The following DDX20 variants were observed in gnomAD, a reference collection of about 807,000 sequenced individuals.
DDX20 encodes probable ATP-dependent RNA helicase DDX20.
DDX20 carries 61 observed loss-of-function variants against 76.4 expected under a neutral mutation model. The observed-to-expected ratio is 0.80, with a 90% CI of 0.65 to 0.99. DDX20 has a LOEUF of 0.99. DDX20 is among the 50% of genes least tolerant of loss of function. The pLI is 0.00. For synonymous variants in DDX20, 357 were observed against 357.4 expected (o/e 1.00, Z 0.01); for missense variants, 976 against 996.8 (o/e 0.98, Z 0.28).
At chr1:111,760,889 G>A (rs775253801) in intron 5 of DDX20, 41 bp downstream of exon 5, 4 of 1,596,310 alleles carry the variant, frequency 2.5e-6, no homozygotes, top group Non-Finnish European at 3.4e-6. Context: ...TGGTTTATTT[G>A]TGATATGCTG....
chr1:111,758,875 T>A (rs1007294971), intron 2 of DDX20, among the ~76,000 whole-genome samples: 1 of 152,246 alleles, frequency 6.6e-6, no homozygotes, highest in African/African-American at 2.4e-5. Flanking sequence ...CGGCAACTAG[T>A]ATGTTGCCTA....
intron 1 of DDX20, 123 bp from the exon 2 acceptor site, chr1:111,756,523 A>T (rs1220300911): frequency 1.3e-6 from 1 of 794,438 alleles, no homozygotes; most frequent in African/African-American, 1.7e-5. Flanking sequence ...TTGAGAATCA[A>T]CTAAAAATGA....
At chr1:111,759,168 G>T (rs982591531) in intron 2 of DDX20, among the ~76,000 whole-genome samples, 2 of 152,194 alleles carry the variant, frequency 1.3e-5, no homozygotes, top group African/African-American at 4.8e-5. Context: ...GTAATATACA[G>T]ATATATGCAA....
chr1:111,756,676 G>A lies in DDX20; in HGVS notation c.332G>A (p.Gly111Glu). 1 of 1,614,130 alleles carries A rather than the reference G, an allele frequency of 6.2e-7. No homozygotes were observed. Among genetic ancestry groups the A allele is most frequent in the Non-Finnish European group, 8.5e-7 (1 of 1,180,002 alleles). The change falls in exon 2 of 11, where the codon GGG (glycine) becomes GAG (glutamate). Residue 111 changes from glycine to glutamate, a missense_variant. Physicochemically the swap from Gly to Glu is moderately conservative, Grantham distance 98 (BLOSUM62 -2). Around this residue, in one of 3 missense-constraint regions of DDX20, gnomAD observed 343 missense variants for 286.4 expected, o/e 1.20. Coordinates refer to ENST00000369702, the MANE Select transcript of DDX20 (RefSeq NM_007204.5). ...DLIVQAKSGT[G>E]KTCVFSTIAL... ...ATTGTTCAAGCTAAATCTGGCACCG[G>A]GAAAACCTGTGTGTTCTCCACCATA...
At position 111,766,173 on chromosome 1, in the gene DDX20, C is replaced by A. The variant is rs1233470809; in HGVS notation, c.1749C>A (p.Ile583=). 6.2e-7 allele frequency: 1 copy of A among 1,614,186 alleles called. No homozygotes were observed. Among genetic ancestry groups the A allele is most frequent in the Admixed American group, 1.7e-5 (1 of 60,024 alleles). The change falls in exon 11 of 11, where the codon ATC becomes ATA. Residue 583 remains isoleucine (I), a synonymous_variant. Coordinates refer to ENST00000369702, the MANE Select transcript of DDX20 (RefSeq NM_007204.5). ...TTCCTTGTCTGTCTTCCTTTAAAAT[C>A]CATCAGCCATACACGTTGACTTTTG... The part of the protein sequence containing the change: ...PQIPCLSSFK[I]HQPYTLTFAE...
At chr1:111,762,442 A>C in intron 8 of DDX20, 105 bp downstream of exon 8, 1 of 944,298 alleles carries the variant, frequency 1.1e-6, no homozygotes, top group Non-Finnish European at 1.6e-6. Flanking sequence ...TCTAACAAGA[A>C]TACCAGAAGA....
intron 3 of DDX20, among the ~76,000 whole-genome samples, chr1:111,759,922 C>T (rs1348765219): frequency 1.4e-5 from 2 of 142,288 alleles, no homozygotes; most frequent in African/African-American, 5.3e-5. Flanking sequence ...TGCAGTGAGC[C>T]GAGATCGCGC....
intron 7 of DDX20, 24 bp downstream of exon 7, chr1:111,761,308 CTTTA>C: frequency 1.9e-6 from 3 of 1,600,990 alleles, no homozygotes; most frequent in Non-Finnish European, 2.6e-6. Flanking sequence ...TTACTTTAAT[CTTTA>C]TTTAGTATAC....
chr1:111,756,266 G>GGGGGC, intron 1 of DDX20, 41 bp downstream of exon 1: 3 of 842,526 alleles, frequency 3.6e-6, no homozygotes, highest in Non-Finnish European at 5.0e-6. Context: ...GGTGGGGTGG[G>GGGGGC]AGAAGGGGGA....
At chr1:111,760,943 C>A in intron 5 of DDX20, 44 bp from the exon 6 acceptor site, 1 of 1,604,636 alleles carries the variant, frequency 6.2e-7, no homozygotes, top group South Asian at 1.1e-5. Context: ...TCATGGTTAC[C>A]ATTAGCATAT....
intron 10 of DDX20, among the ~76,000 whole-genome samples, chr1:111,763,424 T>C (rs1393514064): frequency 6.6e-6 from 1 of 152,002 alleles, no homozygotes; most frequent in African/African-American, 2.4e-5. Context: ...ATACAAAAAT[T>C]AGCTGGGCGT....
chr1:111,765,169 T>C (rs1364064703), intron 10 of DDX20, among the ~76,000 whole-genome samples: 1 of 152,200 alleles, frequency 6.6e-6, no homozygotes. Flanking sequence ...TTTTTAAAAA[T>C]TAGAAATGTC....
chr1:111,766,401 C>G lies in DDX20; in HGVS notation c.1977C>G (p.Tyr659Ter), dbSNP rs200036515. The G allele has an allele frequency of 1.2e-6, 2 of 1,614,164 alleles. No homozygotes were observed. The highest frequency in any genetic ancestry group is 8.5e-7 in the Non-Finnish European group (1 of 1,180,030). ...ACTCTGAGAGTGACAGTGATTCTTA[C>G]AGCTCAAGAACCTCTTCCCAGAGCA... ...SGDSESDSDS[Y>*]SSRTSSQSKG... Residue 659 changes from tyrosine to a stop codon, truncating the protein, a stop_gained, in exon 11 of 11, where the codon TAC (tyrosine) becomes TAG (stop). Coordinates refer to ENST00000369702, the MANE Select transcript of DDX20 (RefSeq NM_007204.5). LOFTEE classifies it high-confidence loss of function.
rs1663669462 is a variant in DDX20, at chr1:111,761,276, G to A, written c.1013G>A (p.Cys338Tyr). The A allele has an allele frequency of 1.2e-6, 2 of 1,612,796 alleles. No homozygotes were observed. The highest frequency in any genetic ancestry group is 1.7e-6 in the Non-Finnish European group (2 of 1,179,360). The stretch of plus-strand genomic sequence containing the variant: ...TCTTCTAAAGGCTTTCCTGCTGAGT[G>A]CATTTCAGGTAAGTTCATCTCTTAC... ...ILSSKGFPAE[C>Y]ISGNMNQNQR... The change falls in exon 7 of 11, where the codon TGC becomes TAC. Residue 338 changes from cysteine (C) to tyrosine (Y), a missense_variant. This residue lies in a region of DDX20 where 630 missense variants were observed against 693.7 expected (regional missense o/e 0.91). Transcript: ENST00000369702.
chr1:111,765,237 G>A (rs966289359), intron 10 of DDX20, among the ~76,000 whole-genome samples: 2 of 152,176 alleles, frequency 1.3e-5, no homozygotes, highest in Non-Finnish European at 2.9e-5. Flanking sequence ...TTCCCCTATA[G>A]AGGTTTTCTC....
In DDX20 at chr1:111,762,345, T is replaced by G; in HGVS notation, c.1104+8T>G. 6.2e-7 allele frequency: 1 copy of G among 1,609,874 alleles called. No individual in the cohort carries two copies. Among genetic ancestry groups the G allele is most frequent in the Non-Finnish European group, 8.5e-7 (1 of 1,177,148 alleles). The stretch of plus-strand genomic sequence containing the variant: ...CTCATTTCCACAGATTTGGTAAATT[T>G]CCTATTCAGTTTGGGTGACTAATCC... On this transcript the variant is annotated splice_region_variant and intron_variant, in intron 8 of 10. Coordinates refer to ENST00000369702, the MANE Select transcript of DDX20 (RefSeq NM_007204.5).
At position 111,760,831 on chromosome 1, in the gene DDX20, G is replaced by A. The variant is rs575794874; in HGVS notation, c.806G>A (p.Ser269Asn). ...RDPTFVRLNS[S>N]DPSLIGLKQY... ...CCCACTTTTGTAAGACTGAATTCCA[G>A]TGATCCAAGTCTCATAGGTGTGTAC... Residue 269 changes from serine to asparagine, a missense_variant, in exon 5 of 11, where the codon AGT becomes AAT. Physicochemically the swap from Ser to Asn is conservative, Grantham distance 46 (BLOSUM62 1). This residue lies in a region of DDX20 where 630 missense variants were observed against 693.7 expected (regional missense o/e 0.91). Coordinates refer to ENST00000369702, the MANE Select transcript of DDX20 (RefSeq NM_007204.5). The A allele has an allele frequency of 3.1e-6, 5 of 1,612,790 alleles. No individual in the cohort carries two copies. The South Asian group carries it at 5.5e-5, about 18-fold the overall frequency.
chr1:111,765,694 G>A (rs1663763789), intron 10 of DDX20, 43 bp from the exon 11 acceptor site: 1 of 1,497,430 alleles, frequency 6.7e-7, no homozygotes, highest in Non-Finnish European at 9.0e-7. Context: ...GTGGTCTAGA[G>A]TAGCTTGAGA....
At chr1:111,765,499 G>C (rs1426116625) in intron 10 of DDX20, among the ~76,000 whole-genome samples, 2 of 152,198 alleles carry the variant, frequency 1.3e-5, no homozygotes, top group Non-Finnish European at 2.9e-5. Flanking sequence ...TTTCTAGTGA[G>C]AGTGAGGGGA....
Sources: gnomAD v4.1 joint callset for allele counts (sites outside exome capture counted in the v4.1 genomes callset) on GRCh38, gnomAD v4.1.1 for gene constraint, gnomAD v4.1.1 regional missense constraint, MANE v1.5 for transcripts, NCBI Gene and HGNC (gene_info 2026-07-23, HGNC 2026-07-21) for gene names.